The following RALGAPA1 variants were observed in gnomAD, a reference collection of about 807,000 sequenced individuals.
RALGAPA1 encodes the protein Ral GTPase activating protein catalytic subunit alpha 1.
A neutral mutation model predicts 269.6 loss-of-function variants in RALGAPA1; 52 were observed. That is an observed-to-expected ratio of 0.19 (90% confidence interval 0.15 to 0.24). The LOEUF is 0.24. Among genes scored for constraint, RALGAPA1 ranks in the 10% least tolerant of loss-of-function variants. The pLI, the probability that RALGAPA1 is intolerant of heterozygous loss-of-function variation, is 1.00. For synonymous variants in RALGAPA1, 817 were observed against 1,008.3 expected (o/e 0.81, Z 3.60); for missense variants, 1,917 against 3,013.9 (o/e 0.64, Z 8.52).
At chr14:35,667,663 G>A (rs2064058408) in intron 26 of RALGAPA1, among the ~76,000 whole-genome samples, 1 of 152,170 alleles carries the variant, frequency 6.6e-6, no homozygotes, top group African/African-American at 2.4e-5. Flanking sequence ...GGGTAGCAAA[G>A]ATCTAAAGTA....
At chr14:35,640,402 A>T (rs1051857065) in intron 31 of RALGAPA1, among the ~76,000 whole-genome samples, 5 of 152,262 alleles carry the variant, frequency 3.3e-5, no homozygotes, top group Admixed American at 3.3e-4. Context: ...ATGAAAGAGG[A>T]GACATTAAAA....
chr14:35,685,114 C>T lies in RALGAPA1; in HGVS notation c.4109G>A (p.Ser1370Asn). The T allele has an allele frequency of 6.4e-7, 1 of 1,566,962 alleles. No individual in the cohort carries two copies. Among genetic ancestry groups the T allele is most frequent in the East Asian group, 2.4e-5 (1 of 42,386 alleles). Residue 1370 changes from serine (S) to asparagine (N), a missense_variant, in exon 20 of 42, where the codon AGC becomes AAC. This residue lies in a region of RALGAPA1 where 615 missense variants were observed against 790.0 expected (regional missense o/e 0.78). Transcript: ENST00000680220. ...AGGGAGGTCTTTGGGAATTTCCAGG[C>T]TGCCTGGACTACTTCCTCTTCTTGT... ...TMTRRGSSPG[S>N]LEIPKDLPDI...
intron 16 of RALGAPA1, among the ~76,000 whole-genome samples, chr14:35,705,444 T>G (rs1016897760): frequency 2.0e-5 from 3 of 152,142 alleles, no homozygotes; most frequent in Non-Finnish European, 4.4e-5. Context: ...TGTAGCCTTT[T>G]CAGATTAGCT....
At chr14:35,733,428 G>T (rs1374312153) in intron 12 of RALGAPA1, among the ~76,000 whole-genome samples, 3 of 152,118 alleles carry the variant, frequency 2.0e-5, no homozygotes, top group Non-Finnish European at 2.9e-5. Flanking sequence ...AGTGAGTTGA[G>T]ATCGCACCAC....
chr14:35,777,688 G>A (rs746686499), intron 1 of RALGAPA1, among the ~76,000 whole-genome samples: 1 of 151,964 alleles, frequency 6.6e-6, no homozygotes, highest in Non-Finnish European at 1.5e-5. Flanking sequence ...TCAGACTCCC[G>A]AGTAGCTGGG....
Position 35,627,371 on chromosome 14 carries a change from C to T in RALGAPA1, c.6576G>A (p.Gln2192=), listed in dbSNP as rs748655867. ...DEEDVLDELL[Q]YLGVTSPECL... ...ATTCAGGACTAGTAACACCCAAATA[C>T]TGCAAGAGCTCATCAAGAACATCTT... Residue 2192 remains glutamine (Q), a synonymous_variant, in exon 34 of 42, where the codon CAG becomes CAA. Transcript: ENST00000680220. 1.2e-6 allele frequency: 2 copies of T among 1,614,012 alleles called. No homozygotes were observed. The highest frequency in any genetic ancestry group is 4.5e-5 in the East Asian group (2 of 44,894).
rs567887364 is a variant in RALGAPA1, at chr14:35,619,206, C to A, written c.6929+6155G>T. Among the ~76,000 whole-genome samples the A allele has an allele frequency of 1.3e-4, 20 of 151,722 alleles. 1 individual carries two copies. The highest frequency in any genetic ancestry group is 8.5e-4 in the Admixed American group (13 of 15,260). ...AGAAGACTGTAAGTGTTAGAAGGAG[C>A]AAGATTACATGAAAAAAGATAAATA... is the stretch of plus-strand genomic sequence containing the variant. On this transcript the variant is annotated intron_variant, in intron 35 of 41. Transcript: ENST00000680220.
intron 31 of RALGAPA1, among the ~76,000 whole-genome samples, chr14:35,640,063 A>C (rs2061923463): frequency 6.6e-6 from 1 of 152,172 alleles, no homozygotes; most frequent in South Asian, 2.1e-4. Flanking sequence ...AACATACCCA[A>C]ACCTATAGGA....
intron 35 of RALGAPA1, among the ~76,000 whole-genome samples, chr14:35,625,133 A>C (rs1488302549): frequency 3.8e-5 from 5 of 132,144 alleles, no homozygotes; most frequent in Admixed American, 3.2e-4. Flanking sequence ...CCTGGGTGAC[A>C]GTGGGAGACT....
rs372017588 is a variant in RALGAPA1 at position 35,625,210 on chromosome 14, A to T, written c.6929+151T>A. 12 of 424,744 alleles carry T rather than the reference A, an allele frequency of 2.8e-5. No individual in the cohort carries two copies. The East Asian group carries it at 3.0e-4, about 11-fold the overall frequency. The allele number at this position is 424,744 out of a possible 1,614,324, so 26.3% of individuals were successfully genotyped here. A position where few individuals can be genotyped will look rare whatever the true frequency, so the allele number is the denominator to read the frequency against. Reference sequence around the variant, plus strand: ...TTCAAAGACACCCAACATTCTATGCAGTCCTAAATTTTCCTTAAAAAACTT... The same window carrying T: ...TTCAAAGACACCCAACATTCTATGCTGTCCTAAATTTTCCTTAAAAAACTT... On this transcript the variant is annotated intron_variant, in intron 35 of 41. Coordinates refer to ENST00000680220, the MANE Select transcript of RALGAPA1 (RefSeq NM_001346249.2).
chr14:35,553,432 T>G (rs2055218125), intron 39 of RALGAPA1, among the ~76,000 whole-genome samples: 1 of 152,124 alleles, frequency 6.6e-6, no homozygotes, highest in Admixed American at 6.5e-5. Context: ...TATTAACACA[T>G]AAAAGAATAG....
chr14:35,600,146 T>G (rs1482231655), intron 36 of RALGAPA1, among the ~76,000 whole-genome samples: 2 of 151,602 alleles, frequency 1.3e-5, no homozygotes, highest in Admixed American at 6.6e-5. Context: ...TTTTTTTTTT[T>G]TTTGTTAATG....
chr14:35,751,942 G>T, intron 8 of RALGAPA1, 82 bp downstream of exon 8: 1 of 1,507,766 alleles, frequency 6.6e-7, no homozygotes, highest in Non-Finnish European at 8.9e-7. Context: ...TCAGTTTCCT[G>T]CAGTAACAAA....
chr14:35,752,187 A>G (rs1398296819), intron 7 of RALGAPA1, 25 bp from the exon 8 acceptor site: 2 of 1,483,618 alleles, frequency 1.3e-6, no homozygotes, highest in African/African-American at 2.9e-5. Context: ...TATAATTAGA[A>G]TCATTCCAGA....
Position 35,733,556 on chromosome 14 carries a change from T to C in RALGAPA1, c.1587+4957A>G, listed in dbSNP as rs528460945. Among the ~76,000 whole-genome samples, 4 of 152,156 alleles carry C rather than the reference T, an allele frequency of 2.6e-5. No homozygotes were observed. The South Asian group carries it at 8.3e-4, about 32-fold the overall frequency. ...TAATGACACAATCTATCAAAACCTC[T>C]ATGATACAGCAAAGGTGGTGCTAAG... On this transcript the variant is annotated intron_variant, in intron 12 of 41. Transcript: ENST00000680220.
intron 21 of RALGAPA1, among the ~76,000 whole-genome samples, chr14:35,679,936 T>C (rs2065269339): frequency 6.6e-6 from 1 of 152,194 alleles, no homozygotes; most frequent in Admixed American, 6.5e-5. Context: ...TTTCCTTTCC[T>C]TTATTTGAGA....
intron 38 of RALGAPA1, among the ~76,000 whole-genome samples, 177 bp downstream of exon 38, chr14:35,572,383 A>G (rs1454258731): frequency 6.6e-6 from 1 of 152,186 alleles, no homozygotes; most frequent in African/African-American, 2.4e-5. Context: ...ATTCTGTTTT[A>G]GCTCCTTCTG....
chr14:35,650,164 G>A lies in RALGAPA1; in HGVS notation c.5676+1641C>T, dbSNP rs567644364. 2.6e-5 allele frequency among the ~76,000 whole-genome samples: 4 copies of A among 152,214 alleles called. No individual in the cohort carries two copies. The East Asian group carries it at 7.7e-4, about 29-fold the overall frequency. ...AGGCAGGTGGATCACTTGGGGCCAG[G>A]AGTTTGAGACCGGCCTGGCCAAGAT... On this transcript the variant is annotated intron_variant, in intron 31 of 41. Coordinates refer to ENST00000680220, the MANE Select transcript of RALGAPA1 (RefSeq NM_001346249.2).
intron 15 of RALGAPA1, among the ~76,000 whole-genome samples, chr14:35,722,696 C>G (rs2069542310): frequency 6.6e-6 from 1 of 151,796 alleles, no homozygotes; most frequent in Non-Finnish European, 1.5e-5. Flanking sequence ...TACTGCCCCA[C>G]TCCCTTTTAA....
Sources: gnomAD v4.1 joint callset for allele counts (sites outside exome capture counted in the v4.1 genomes callset) on GRCh38, gnomAD v4.1.1 for gene constraint, gnomAD v4.1.1 regional missense constraint, MANE v1.5 for transcripts, NCBI Gene and HGNC (gene_info 2026-07-23, HGNC 2026-07-21) for gene names.